Variants in COL8A1 observed in about 807,000 individuals in gnomAD.
COL8A1 encodes collagen alpha-1(VIII) chain.
COL8A1 carries 21 observed loss-of-function variants against 42.7 expected under a neutral mutation model. That is an observed-to-expected ratio of 0.49 (90% confidence interval 0.35 to 0.71). The LOEUF (loss-of-function observed/expected upper bound fraction) is 0.71, where lower values mean the gene tolerates loss of function less well. Among genes scored for constraint, COL8A1 ranks in the 30% least tolerant of loss-of-function variants. The pLI, the probability that COL8A1 is intolerant of heterozygous loss-of-function variation, is 0.01. For missense variants in COL8A1, 788 were observed against 962.4 expected (o/e 0.82, Z 2.40); for synonymous variants, 367 against 369.1 (o/e 0.99, Z 0.06).
chr3:99,700,261 G>A (rs150487421), intron 1 of COL8A1, among the ~76,000 whole-genome samples: 10 of 151,906 alleles, frequency 6.6e-5, no homozygotes, highest in South Asian at 2.1e-4. Flanking sequence ...AAACCTGCAC[G>A]TTCTGCACGT....
chr3:99,727,865 A>G (rs1940383229), intron 1 of COL8A1, among the ~76,000 whole-genome samples: 1 of 152,126 alleles, frequency 6.6e-6, no homozygotes, highest in African/African-American at 2.4e-5. Flanking sequence ...GTAATCCAGC[A>G]TATAAACAGA....
intron 1 of COL8A1, among the ~76,000 whole-genome samples, chr3:99,716,630 C>T (rs976879620): frequency 1.3e-5 from 2 of 151,960 alleles, no homozygotes; most frequent in African/African-American, 2.4e-5. Context: ...CCTGTTACAT[C>T]GGATGACTCA....
At chr3:99,789,302 T>C (rs1428443915) in intron 2 of COL8A1, among the ~76,000 whole-genome samples, 2 of 152,156 alleles carry the variant, frequency 1.3e-5, no homozygotes, top group Admixed American at 1.3e-4. Flanking sequence ...AAGATGGAAA[T>C]TGAATTATTT....
intron 1 of COL8A1, among the ~76,000 whole-genome samples, chr3:99,705,599 G>T (rs760417079): frequency 2.6e-5 from 4 of 152,090 alleles, no homozygotes; most frequent in East Asian, 1.9e-4. Flanking sequence ...TCCAAGAGAG[G>T]TATCTATCAT....
chr3:99,717,828 T>C (rs1940045992), intron 1 of COL8A1, among the ~76,000 whole-genome samples: 1 of 152,058 alleles, frequency 6.6e-6, no homozygotes, highest in Non-Finnish European at 1.5e-5. Context: ...TGTCATGGAA[T>C]TGCTCAATTC....
intron 1 of COL8A1, among the ~76,000 whole-genome samples, chr3:99,646,423 C>T (rs888724574): frequency 6.6e-6 from 1 of 152,132 alleles, no homozygotes; most frequent in African/African-American, 2.4e-5. Flanking sequence ...GGGCAAGGGG[C>T]GTGTCACTGA....
At chr3:99,747,951 T>C (rs1329777532) in intron 2 of COL8A1, among the ~76,000 whole-genome samples, 1 of 152,232 alleles carries the variant, frequency 6.6e-6, no homozygotes, top group Non-Finnish European at 1.5e-5. Flanking sequence ...AATGTGGCCT[T>C]GGGCAAGTCA....
At chr3:99,651,413 C>T (rs913495401) in intron 1 of COL8A1, among the ~76,000 whole-genome samples, 1 of 152,214 alleles carries the variant, frequency 6.6e-6, no homozygotes, top group African/African-American at 2.4e-5. Context: ...TTTCCCAGAG[C>T]ATTTTTGTCT....
At chr3:99,647,851 G>C (rs1016976969) in intron 1 of COL8A1, among the ~76,000 whole-genome samples, 2 of 152,120 alleles carry the variant, frequency 1.3e-5, no homozygotes, top group African/African-American at 4.8e-5. Context: ...GTTTATCTAT[G>C]ACACTCAGAC....
At chr3:99,736,246 G>T (rs1940710457) in intron 1 of COL8A1, among the ~76,000 whole-genome samples, 1 of 151,970 alleles carries the variant, frequency 6.6e-6, no homozygotes, top group South Asian at 2.1e-4. Context: ...GTGATGTTAG[G>T]GTGTCAATTT....
intron 2 of COL8A1, among the ~76,000 whole-genome samples, chr3:99,766,444 C>T (rs1198241066): frequency 2.0e-5 from 3 of 152,170 alleles, no homozygotes; most frequent in Non-Finnish European, 4.4e-5. Flanking sequence ...GGCTGGGAAG[C>T]AAATTATCAC....
At chr3:99,669,754 G>A (rs1938485542) in intron 1 of COL8A1, among the ~76,000 whole-genome samples, 1 of 151,934 alleles carries the variant, frequency 6.6e-6, no homozygotes, top group Non-Finnish European at 1.5e-5. Context: ...TAAAGAGATC[G>A]ACAGAGGGAA....
chr3:99,751,850 T>A (rs1941155988), intron 2 of COL8A1, among the ~76,000 whole-genome samples: 3 of 152,188 alleles, frequency 2.0e-5, no homozygotes, highest in Admixed American at 2.0e-4. Context: ...CTCAGCTTCC[T>A]TTCTTTAGTG....
chr3:99,768,855 G>C (rs1017703351), intron 2 of COL8A1, among the ~76,000 whole-genome samples: 1 of 152,184 alleles, frequency 6.6e-6, no homozygotes. Flanking sequence ...TTAGAGAATA[G>C]GTAAAGGTTA....
intron 1 of COL8A1, among the ~76,000 whole-genome samples, chr3:99,701,920 T>C (rs1939551553): frequency 1.3e-5 from 2 of 152,216 alleles, no homozygotes; most frequent in African/African-American, 4.8e-5. Context: ...AGTACTTTGA[T>C]ATTATTGGGA....
intron 1 of COL8A1, among the ~76,000 whole-genome samples, chr3:99,711,809 A>G (rs1014074446): frequency 6.6e-6 from 1 of 152,182 alleles, no homozygotes; most frequent in Non-Finnish European, 1.5e-5. Flanking sequence ...TATTCTTTTT[A>G]ACAGAATGAT....
At chr3:99,758,426 T>G (rs1455536801) in intron 2 of COL8A1, among the ~76,000 whole-genome samples, 1 of 152,110 alleles carries the variant, frequency 6.6e-6, no homozygotes, top group Non-Finnish European at 1.5e-5. Flanking sequence ...CCATTACATT[T>G]ATGGCTGTAT....
chr3:99,642,891 T>C (rs1244784006), intron 1 of COL8A1, among the ~76,000 whole-genome samples: 1 of 152,232 alleles, frequency 6.6e-6, no homozygotes. Flanking sequence ...AATTTAAAAT[T>C]GCTACTTGCC....
chr3:99,667,264 A>C (rs1314120306), intron 1 of COL8A1, among the ~76,000 whole-genome samples: 3 of 152,138 alleles, frequency 2.0e-5, no homozygotes, highest in Non-Finnish European at 4.4e-5. Flanking sequence ...TTCTTGTAAG[A>C]GGCATCATTA....
Sources: allele counts gnomAD v4.1 joint callset (sites outside exome capture counted in the v4.1 genomes callset), GRCh38; gene constraint gnomAD v4.1.1; transcripts MANE v1.5; gene names NCBI Gene and HGNC (gene_info 2026-07-23, HGNC 2026-07-21).